The following EXOC6B variants were observed in gnomAD, a reference collection of about 807,000 sequenced individuals.
The protein encoded by EXOC6B is SEC15 homolog B.
Under a neutral mutation model 113.5 loss-of-function variants are expected in EXOC6B, and 54 were observed. The observed-to-expected ratio is 0.48, with a 90% CI of 0.38 to 0.60. EXOC6B has a LOEUF of 0.60. Among genes scored for constraint, EXOC6B ranks in the 20% least tolerant of loss-of-function variants. The pLI is 0.00. For synonymous variants in EXOC6B, 357 were observed against 339.0 expected, an observed-to-expected ratio of 1.05 and a Z score of -0.58; for missense variants, 797 against 977.5, an observed-to-expected ratio of 0.82 and a Z score of 2.46.
At chr2:72,249,659 C>T (rs1265693958) in intron 20 of EXOC6B, among the ~76,000 whole-genome samples, 1 of 152,122 alleles carries the variant, frequency 6.6e-6, no homozygotes, top group Non-Finnish European at 1.5e-5. Flanking sequence ...GTACTTCTAA[C>T]ATCAGTATCT....
chr2:72,711,157 T>C (rs1273488729), intron 6 of EXOC6B, among the ~76,000 whole-genome samples: 2 of 151,798 alleles, frequency 1.3e-5, no homozygotes. Flanking sequence ...TAGAAAACAG[T>C]CGACAATTAA....
At chr2:72,644,510 A>G (rs1225391927) in intron 6 of EXOC6B, among the ~76,000 whole-genome samples, 2 of 152,240 alleles carry the variant, frequency 1.3e-5, no homozygotes, top group Non-Finnish European at 2.9e-5. Flanking sequence ...GTTGAAATGA[A>G]GGAAAAAATG....
At chr2:72,458,676 G>A (rs1477719411) in intron 18 of EXOC6B, among the ~76,000 whole-genome samples, 3 of 152,096 alleles carry the variant, frequency 2.0e-5, no homozygotes, top group African/African-American at 4.8e-5. Context: ...ATAAACAAAA[G>A]AGGGGGAAAT....
At chr2:72,678,096 G>A (rs1676440422) in intron 6 of EXOC6B, among the ~76,000 whole-genome samples, 1 of 152,158 alleles carries the variant, frequency 6.6e-6, no homozygotes, top group South Asian at 2.1e-4. Context: ...GACCCTGACA[G>A]CCTGACAACA....
At chr2:72,685,443 C>T (rs758670597) in intron 6 of EXOC6B, among the ~76,000 whole-genome samples, 18 of 152,032 alleles carry the variant, frequency 1.2e-4, no homozygotes, top group Non-Finnish European at 1.5e-4. Context: ...GAAGATTGGT[C>T]CCAAAGGATG....
chr2:72,478,947 G>C (rs557810023), intron 17 of EXOC6B, among the ~76,000 whole-genome samples: 13 of 152,204 alleles, frequency 8.5e-5, no homozygotes, highest in African/African-American at 2.9e-4. Flanking sequence ...TAAATCTAAT[G>C]CCCAAGCTCC....
At chr2:72,736,319 T>C (rs1231531324) in intron 2 of EXOC6B, among the ~76,000 whole-genome samples, 1 of 152,204 alleles carries the variant, frequency 6.6e-6, no homozygotes, top group Non-Finnish European at 1.5e-5. Context: ...ATGGGCATCT[T>C]AGAGTACGAT....
intron 19 of EXOC6B, among the ~76,000 whole-genome samples, chr2:72,344,448 T>C (rs764938113): frequency 3.3e-5 from 5 of 152,088 alleles, no homozygotes; most frequent in Non-Finnish European, 7.3e-5. Context: ...TTTCTGTTGA[T>C]TTACTTTTTT....
At chr2:72,245,577 G>A (rs1437232205) in intron 20 of EXOC6B, among the ~76,000 whole-genome samples, 1 of 152,198 alleles carries the variant, frequency 6.6e-6, no homozygotes, top group Non-Finnish European at 1.5e-5. Flanking sequence ...GCTATATGTT[G>A]TATGATTCCA....
intron 6 of EXOC6B, among the ~76,000 whole-genome samples, chr2:72,576,167 T>G (rs1244932439): frequency 6.6e-6 from 1 of 152,142 alleles, no homozygotes; most frequent in African/African-American, 2.4e-5. Context: ...AAAACAGTTA[T>G]GTGGATATAA....
At chr2:72,714,720 C>A (rs906940285) in intron 6 of EXOC6B, among the ~76,000 whole-genome samples, 7 of 152,138 alleles carry the variant, frequency 4.6e-5, no homozygotes, top group African/African-American at 1.4e-4. Flanking sequence ...TCTTACCACC[C>A]ACTGTTTCAC....
At chr2:72,762,751 T>C in intron 1 of EXOC6B, among the ~76,000 whole-genome samples, 1 of 151,840 alleles carries the variant, frequency 6.6e-6, no homozygotes, top group East Asian at 1.9e-4. Context: ...TATAGGAACA[T>C]ATAAAATATT....
intron 6 of EXOC6B, among the ~76,000 whole-genome samples, chr2:72,626,391 G>A (rs993793307): frequency 1.3e-5 from 2 of 151,956 alleles, no homozygotes; most frequent in Non-Finnish European, 2.9e-5. Flanking sequence ...TTATGATTTA[G>A]CCTCATCCAA....
At chr2:72,502,302 C>T (rs1343240752) in intron 11 of EXOC6B, among the ~76,000 whole-genome samples, 1 of 152,242 alleles carries the variant, frequency 6.6e-6, no homozygotes, top group South Asian at 2.1e-4. Context: ...AATCCTGGCT[C>T]TTTGGGAGAC....
chr2:72,222,469 T>C (rs1680936866), intron 20 of EXOC6B, among the ~76,000 whole-genome samples: 1 of 152,292 alleles, frequency 6.6e-6, no homozygotes, highest in African/African-American at 2.4e-5. Flanking sequence ...CATTTTAAAA[T>C]ACAAAAACCT....
chr2:72,510,696 T>C (rs1700846299), intron 11 of EXOC6B, among the ~76,000 whole-genome samples: 1 of 151,668 alleles, frequency 6.6e-6, no homozygotes, highest in South Asian at 2.1e-4. Context: ...ATGCAAGGGA[T>C]GATGACTAAA....
intron 20 of EXOC6B, among the ~76,000 whole-genome samples, chr2:72,277,999 C>A (rs1684902257): frequency 6.6e-6 from 1 of 152,036 alleles, no homozygotes; most frequent in Non-Finnish European, 1.5e-5. Context: ...AAAAAATTAT[C>A]ATCTCTTGAA....
intron 20 of EXOC6B, among the ~76,000 whole-genome samples, chr2:72,304,548 C>T (rs1392262760): frequency 6.6e-6 from 1 of 151,866 alleles, no homozygotes; most frequent in Non-Finnish European, 1.5e-5. Flanking sequence ...ATTTTAATTT[C>T]CATAGTTAGA....
At chr2:72,205,022 A>C (rs752934774) in intron 20 of EXOC6B, among the ~76,000 whole-genome samples, 1 of 152,188 alleles carries the variant, frequency 6.6e-6, no homozygotes, top group Non-Finnish European at 1.5e-5. Context: ...GCAAGTCTAC[A>C]GATGAAACAC....
Sources: allele counts gnomAD v4.1 joint callset (sites outside exome capture counted in the v4.1 genomes callset), GRCh38; gene constraint gnomAD v4.1.1; transcripts MANE v1.5; gene names NCBI Gene and HGNC (gene_info 2026-07-23, HGNC 2026-07-21).